Variants in FAH observed in about 807,000 individuals in gnomAD.
The protein encoded by FAH is fumarylacetoacetate hydrolase.
In FAH, 47 loss-of-function variants were observed where a neutral mutation model predicts 55.8. The ratio of observed to expected loss-of-function variants is 0.84; its 90% CI spans 0.67 to 1.07. The LOEUF is 1.07. FAH is among the 50% of genes least tolerant of loss of function. FAH has a pLI of 0.00. For synonymous variants in FAH, 199 were observed against 207.7 expected (o/e 0.96, Z 0.36); for missense variants, 495 against 545.9 (o/e 0.91, Z 0.93).
chr15:80,156,327 G>C (rs1459437095), intron 1 of FAH: 1 of 155,066 alleles, frequency 6.4e-6, no homozygotes. Flanking sequence ...AAAAACTAAT[G>C]ATTAATAATG....
chr15:80,167,227 T>TA (rs1285922240), intron 5 of FAH: 1 of 152,246 alleles, frequency 6.6e-6, no homozygotes, highest in Non-Finnish European at 1.5e-5. Context: ...CTGGAGGCCA[T>TA]AAATCTGCAA....
chr15:80,153,230 G>A (rs1288476910), intron 1 of FAH, 95 bp downstream of exon 1: 2 of 1,027,694 alleles, frequency 1.9e-6, no homozygotes, highest in Non-Finnish European at 3.0e-6. Context: ...GTGGAATGAG[G>A]GGCGGGATGG....
At chr15:80,157,466 C>T (rs1337902084) in intron 1 of FAH, 1 of 165,416 alleles carries the variant, frequency 6.0e-6, no homozygotes. Context: ...TTTAAGACAT[C>T]TTTGTTGATG....
At chr15:80,160,905 A>G (rs1343845518) in intron 4 of FAH, among the ~76,000 whole-genome samples, 2 of 152,200 alleles carry the variant, frequency 1.3e-5, no homozygotes, top group African/African-American at 2.4e-5. Context: ...CCTGAAGCAG[A>G]GAGAGAGGCT....
In FAH at chr15:80,168,161, C is replaced by T; in HGVS notation, c.553+12C>T. The T allele has an allele frequency of 6.2e-7, 1 of 1,612,988 alleles. No homozygotes were observed. Among genetic ancestry groups the T allele is most frequent in the Non-Finnish European group, 8.5e-7 (1 of 1,179,204 alleles). ...GAAACCTGATGACTGTGAGTGACCG[C>T]AGCGTCCAGGCCTTGCTGGTACCCA... is the stretch of plus-strand genomic sequence containing the variant. On this transcript the variant is annotated intron_variant, in intron 6 of 13. Transcript: ENST00000561421.
rs2041255357 is a variant in FAH at position 80,173,114 on chromosome 15, C to T, written c.807C>T (p.Leu269=). The part of the protein sequence containing the change: ...VSPWVVPMDA[L]MPFAVPNPKQ... ...CGTGGGTGGTGCCCATGGATGCTCT[C>T]ATGCCCTTTGCTGTGCCCAACCCGA... is the stretch of plus-strand genomic sequence containing the variant. The change falls in exon 9 of 14, where the codon CTC becomes CTT. Residue 269 remains leucine, a synonymous_variant. Transcript: ENST00000561421. 3 of 1,614,094 alleles carry T rather than the reference C, an allele frequency of 1.9e-6. No individual in the cohort carries two copies. The highest frequency in any genetic ancestry group is 2.7e-5 in the African/African-American group (2 of 74,930).
At chr15:80,179,749 G>C (rs753267175) in intron 11 of FAH, among the ~76,000 whole-genome samples, 3 of 152,216 alleles carry the variant, frequency 2.0e-5, no homozygotes, top group South Asian at 4.1e-4. Context: ...CCCAATACGG[G>C]ACTGGAGGGT....
chr15:80,180,525 C>A (rs954947274), intron 12 of FAH, among the ~76,000 whole-genome samples: 1 of 152,170 alleles, frequency 6.6e-6, no homozygotes, highest in Admixed American at 6.5e-5. Context: ...GTCACCATCT[C>A]ACACTACACC....
intron 6 of FAH, 49 bp downstream of exon 6, chr15:80,168,198 CCA>C (rs749600806): frequency 6.2e-7 from 1 of 1,609,838 alleles, no homozygotes; most frequent in Non-Finnish European, 8.5e-7. Context: ...CTCTCTGTTC[CCA>C]CACAGAGAGT....
At chr15:80,178,321 A>G (rs1231759562) in intron 11 of FAH, among the ~76,000 whole-genome samples, 2 of 152,206 alleles carry the variant, frequency 1.3e-5, no homozygotes, top group African/African-American at 4.8e-5. Context: ...GCACCTCAGC[A>G]GCCCCGTGGG....
chr15:80,181,140 G>A lies in FAH; in HGVS notation c.1161G>A (p.Gly387=), dbSNP rs2142108682. Residue 387 remains glycine, a synonymous_variant, in exon 13 of 14, where the codon GGG becomes GGA. Transcript: ENST00000561421. ...AGACCAGGAAGTTTCTGCTGGACGG[G>A]GATGAAGTCATCATAACAGGTGAGG... ...NGQTRKFLLD[G]DEVIITGYCQ... 6.2e-7 allele frequency: 1 copy of A among 1,613,084 alleles called. No homozygotes were observed. The highest frequency in any genetic ancestry group is 8.5e-7 in the Non-Finnish European group (1 of 1,179,172).
At chr15:80,158,229 C>A (rs1367186877) in intron 2 of FAH, 59 bp downstream of exon 2, 3 of 1,123,066 alleles carry the variant, frequency 2.7e-6, no homozygotes, top group Non-Finnish European at 4.1e-6. Context: ...TGGATGCCAA[C>A]AAGAGAATGC....
chr15:80,180,963 C>T (rs2041326021), intron 12 of FAH, 79 bp from the exon 13 acceptor site: 1 of 1,206,370 alleles, frequency 8.3e-7, no homozygotes, highest in Non-Finnish European at 1.2e-6. Flanking sequence ...TCGGGACTCC[C>T]AGGTCTTGCT....
chr15:80,159,665 G>C, intron 2 of FAH, 91 bp from the exon 3 acceptor site: 1 of 1,487,708 alleles, frequency 6.7e-7, no homozygotes, highest in Non-Finnish European at 9.4e-7. Flanking sequence ...AAGTGGCAAG[G>C]GCTGGCAGGC....
intron 1 of FAH, chr15:80,157,214 G>T (rs1014611338): frequency 6.6e-6 from 1 of 152,394 alleles, no homozygotes; most frequent in African/African-American, 2.4e-5. Context: ...GAGCTGACAT[G>T]CGTGGAGAAA....
chr15:80,157,555 G>A (rs1490544632), intron 1 of FAH: 6 of 194,406 alleles, frequency 3.1e-5, no homozygotes, highest in Non-Finnish European at 6.5e-5. Flanking sequence ...CTTACAACCC[G>A]AGCTCTCCTC....
At chr15:80,175,496 C>G (rs1368808208) in intron 10 of FAH, among the ~76,000 whole-genome samples, 1 of 152,184 alleles carries the variant, frequency 6.6e-6, no homozygotes, top group Non-Finnish European at 1.5e-5. Flanking sequence ...GGTCTGTTCG[C>G]TTGGCTGAGC....
At chr15:80,167,230 A>G (rs2041199397) in intron 5 of FAH, 1 of 152,226 alleles carries the variant, frequency 6.6e-6, no homozygotes, top group African/African-American at 2.4e-5. Context: ...GAGGCCATAA[A>G]TCTGCAATCA....
At chr15:80,184,960 C>G (rs887565205) in intron 13 of FAH, among the ~76,000 whole-genome samples, 1 of 152,140 alleles carries the variant, frequency 6.6e-6, no homozygotes, top group African/African-American at 2.4e-5. Flanking sequence ...CTCTGTATCT[C>G]TCGTCTGGAC....
Sources: gnomAD v4.1 joint callset for allele counts (sites outside exome capture counted in the v4.1 genomes callset) on GRCh38, gnomAD v4.1.1 for gene constraint, MANE v1.5 for transcripts, NCBI Gene and HGNC (gene_info 2026-07-23, HGNC 2026-07-21) for gene names.